Variants in AGPS observed in about 807,000 individuals in gnomAD.
AGPS encodes alkylglycerone phosphate synthase.
In AGPS, 26 loss-of-function variants were observed where a neutral mutation model predicts 90.7. That is an observed-to-expected ratio of 0.29 (90% CI 0.21 to 0.40). The LOEUF is 0.40. Among genes scored for constraint, AGPS ranks in the 10% least tolerant of loss-of-function variants. The probability of loss-of-function intolerance (pLI) is 1.00; values close to 1 mark genes in which losing one functional copy is unlikely to be tolerated. For missense variants in AGPS, 540 were observed against 816.1 expected (o/e 0.66, Z 4.12); for synonymous variants, 294 against 285.3 (o/e 1.03, Z -0.31).
At position 177,393,539 on chromosome 2, in the gene AGPS, A is replaced by G. The variant is rs1685085452; in HGVS notation, c.260+490A>G. Reference sequence around the variant, plus strand: ...AGGTGCTGACTGGTTTCTGTGGGGTAAGTTCCACTTGCTTAGGATCAAGAT... The same window carrying G: ...AGGTGCTGACTGGTTTCTGTGGGGTGAGTTCCACTTGCTTAGGATCAAGAT... On this transcript the variant is annotated intron_variant, in intron 1 of 19. Coordinates refer to ENST00000264167, the MANE Select transcript of AGPS (RefSeq NM_003659.4). The G allele has an allele frequency of 3.0e-6, 3 of 985,218 alleles. No homozygotes were observed. In the South Asian group the frequency reaches 1.4e-4, roughly 46 times the overall value. 61.0% of individuals were successfully genotyped at this position (985,218 alleles called of 1,614,324 possible). A position where few individuals can be genotyped will look rare whatever the true frequency, so the allele number is the denominator to read the frequency against.
At chr2:177,526,675 A>G (rs766641426) in intron 19 of AGPS, among the ~76,000 whole-genome samples, 4 of 152,178 alleles carry the variant, frequency 2.6e-5, no homozygotes, top group Non-Finnish European at 4.4e-5. Context: ...AAAGCTACTG[A>G]CAAAAACTGA....
intron 1 of AGPS, among the ~76,000 whole-genome samples, chr2:177,418,452 A>G (rs567624049): frequency 3.3e-5 from 5 of 152,088 alleles, no homozygotes; most frequent in South Asian, 2.1e-4. Context: ...GCCAGATTCA[A>G]CCTCTGTACT....
At chr2:177,398,367 T>G (rs909987128) in intron 1 of AGPS, among the ~76,000 whole-genome samples, 4 of 152,236 alleles carry the variant, frequency 2.6e-5, no homozygotes, top group Non-Finnish European at 5.9e-5. Flanking sequence ...CTAAAGCTTA[T>G]GTACATTATG....
chr2:177,508,091 AT>A, intron 16 of AGPS, 60 bp downstream of exon 16: 1 of 1,294,972 alleles, frequency 7.7e-7, no homozygotes, highest in Non-Finnish European at 1.1e-6. Flanking sequence ...GCTTGAAGTA[AT>A]GTTTCTTTTT....
At chr2:177,513,941 T>C in intron 17 of AGPS, 33 bp downstream of exon 17, 5 of 1,512,652 alleles carry the variant, frequency 3.3e-6, no homozygotes, top group Non-Finnish European at 4.6e-6. Flanking sequence ...ATACTTCTTA[T>C]TCTGAAAAAA....
rs558493998 is a variant in AGPS, at chr2:177,394,251, C to A, written c.260+1202C>A. ...CTTAGTAGGTAAAATTATAATACAGCGTTATAAGAAACTTAACTGGGAACT... is the reference window on the plus strand; with the variant it reads ...CTTAGTAGGTAAAATTATAATACAGAGTTATAAGAAACTTAACTGGGAACT... On this transcript the variant is annotated intron_variant, in intron 1 of 19. Coordinates refer to ENST00000264167, the MANE Select transcript of AGPS (RefSeq NM_003659.4). 2.6e-3 allele frequency among the ~76,000 whole-genome samples: 392 copies of A among 152,236 alleles called. 4 individuals are homozygous for A. Among genetic ancestry groups the A allele is most frequent in the African/African-American group, 9.0e-3 (375 of 41,536 alleles).
intron 2 of AGPS, among the ~76,000 whole-genome samples, chr2:177,422,597 C>T (rs1441493316): frequency 6.6e-6 from 1 of 152,116 alleles, no homozygotes; most frequent in Non-Finnish European, 1.5e-5. Flanking sequence ...GTAGCTTTTG[C>T]CTTCCTTCAA....
At chr2:177,428,608 T>C (rs1414149024) in intron 2 of AGPS, among the ~76,000 whole-genome samples, 2 of 152,202 alleles carry the variant, frequency 1.3e-5, no homozygotes, top group Non-Finnish European at 2.9e-5. Flanking sequence ...AATTCTAGGT[T>C]GAAAATTCTT....
At position 177,488,129 on chromosome 2, in the gene AGPS, A is replaced by G. The variant is rs142284526; in HGVS notation, c.1234-5019A>G. Among the ~76,000 whole-genome samples, 11 of 152,306 alleles carry G rather than the reference A, an allele frequency of 7.2e-5. No individual in the cohort carries two copies. In the East Asian group the frequency reaches 2.1e-3, roughly 29 times the overall value. ...TGATACCAACTCTGACTTATTAGTT[A>G]GAAGAAGAATTTGTCTACATTTTAA... On this transcript the variant is annotated intron_variant, in intron 11 of 19. Coordinates refer to ENST00000264167, the MANE Select transcript of AGPS (RefSeq NM_003659.4).
chr2:177,472,508 C>T (rs1331904317), intron 10 of AGPS, among the ~76,000 whole-genome samples: 2 of 152,034 alleles, frequency 1.3e-5, no homozygotes, highest in African/African-American at 4.8e-5. Flanking sequence ...TGTTGTGTTA[C>T]AGCTTTCTTC....
chr2:177,434,193 G>A (rs78131839), intron 2 of AGPS, 134 bp from the exon 3 acceptor site: 19 of 667,012 alleles, frequency 2.8e-5, no homozygotes, highest in Non-Finnish European at 4.4e-5. Flanking sequence ...TTTTGTTTTC[G>A]TTCAGAGTTT....
Position 177,420,264 on chromosome 2 carries a change from A to C in AGPS, c.261-5A>C, listed in dbSNP as rs73029113. On this transcript the variant is annotated splice_polypyrimidine_tract_variant and splice_region_variant and intron_variant, in intron 1 of 19. Coordinates refer to ENST00000264167, the MANE Select transcript of AGPS (RefSeq NM_003659.4). ...TCTCACTTATATATATTTTCTTCTC[A>C]CTAGGCAAGAAGTTATGAAATGGAA... The C allele has an allele frequency of 3.3e-3, 5,264 of 1,586,830 alleles. 140 individuals are homozygous for C. The African/African-American group carries it at 0.058, about 18-fold the overall frequency.
chr2:177,455,779 T>G (rs1239717010), intron 8 of AGPS, among the ~76,000 whole-genome samples: 3 of 32,848 alleles, frequency 9.1e-5, no homozygotes, highest in Non-Finnish European at 5.9e-4. Context: ...ATTTCTCCTG[T>G]TTTTTTTTTT....
chr2:177,397,537 A>G (rs539018950), intron 1 of AGPS, among the ~76,000 whole-genome samples: 2 of 150,896 alleles, frequency 1.3e-5, no homozygotes, highest in South Asian at 2.1e-4. Flanking sequence ...GTTAACTTTC[A>G]TTCTTCCACA....
chr2:177,431,905 A>G (rs1686255088), intron 2 of AGPS, among the ~76,000 whole-genome samples: 1 of 152,234 alleles, frequency 6.6e-6, no homozygotes, highest in South Asian at 2.1e-4. Context: ...AGATAACAGG[A>G]TTAAGAGATT....
At chr2:177,455,620 G>A (rs1385416407) in intron 8 of AGPS, among the ~76,000 whole-genome samples, 1 of 151,934 alleles carries the variant, frequency 6.6e-6, no homozygotes, top group Non-Finnish European at 1.5e-5. Context: ...CTGTGTTTTA[G>A]TCTTATTGGG....
chr2:177,491,764 C>A (rs921483429), intron 11 of AGPS, among the ~76,000 whole-genome samples: 3 of 107,736 alleles, frequency 2.8e-5, no homozygotes, highest in Admixed American at 9.4e-5. Context: ...TTTCCTTCCC[C>A]CCCCCCCCCT....
In AGPS at chr2:177,508,946, T is replaced by C. The variant is rs760295473; in HGVS notation, c.1607+915T>C. 4.6e-5 allele frequency among the ~76,000 whole-genome samples: 7 copies of C among 152,202 alleles called. No homozygotes were observed. The South Asian group carries it at 1.5e-3, about 32-fold the overall frequency. On this transcript the variant is annotated intron_variant, in intron 16 of 19. Coordinates refer to ENST00000264167, the MANE Select transcript of AGPS (RefSeq NM_003659.4). Reference sequence around the variant, plus strand: ...TTGGTTTTTTGCAGGATATTCAACCTGTATATTTTTATTTGTTTCTAGTAT... The same window carrying C: ...TTGGTTTTTTGCAGGATATTCAACCCGTATATTTTTATTTGTTTCTAGTAT...
At chr2:177,506,813 A>G (rs762040292) in intron 15 of AGPS, among the ~76,000 whole-genome samples, 3 of 152,012 alleles carry the variant, frequency 2.0e-5, no homozygotes, top group Non-Finnish European at 2.9e-5. Context: ...TCAATATCAT[A>G]GTTTCTTCCC....
Sources: allele counts gnomAD v4.1 joint callset (sites outside exome capture counted in the v4.1 genomes callset), GRCh38; gene constraint gnomAD v4.1.1; transcripts MANE v1.5; gene names NCBI Gene and HGNC (gene_info 2026-07-23, HGNC 2026-07-21).